The following ANKRD24 variants were observed in gnomAD, a reference collection of about 807,000 sequenced individuals.
The protein encoded by ANKRD24 is ankyrin repeat domain 24.
In ANKRD24, 109 loss-of-function variants were observed where a neutral mutation model predicts 127.8. The observed-to-expected ratio is 0.85, with a 90% CI of 0.73 to 1.00. ANKRD24 has a LOEUF of 1.00. Among genes scored for constraint, ANKRD24 ranks in the 50% least tolerant of loss-of-function variants. The probability of loss-of-function intolerance (pLI) is 0.00; values close to 1 mark genes in which losing one functional copy is unlikely to be tolerated. For missense variants in ANKRD24, 1,648 were observed against 1,570.2 expected (o/e 1.05, Z -0.84); for synonymous variants, 743 against 671.1 (o/e 1.11, Z -1.66).
intron 1 of ANKRD24, among the ~76,000 whole-genome samples, chr19:4,184,161 C>T (rs1168677937): frequency 6.6e-6 from 1 of 152,218 alleles, no homozygotes; most frequent in Admixed American, 6.5e-5. Context: ...CGGCTCATCC[C>T]CGGCCCCCTG....
chr19:4,219,597 C>G lies in ANKRD24; in HGVS notation c.3010C>G (p.Arg1004Gly). 2 of 1,609,028 alleles carry G rather than the reference C, an allele frequency of 1.2e-6. No individual in the cohort carries two copies. Among genetic ancestry groups the G allele is most frequent in the Non-Finnish European group, 8.5e-7 (1 of 1,176,440 alleles). Residue 1004 changes from arginine (R) to glycine (G), a missense_variant, in exon 19 of 22, where the codon CGT becomes GGT. Coordinates refer to ENST00000318934, the MANE Select transcript of ANKRD24 (RefSeq NM_001393985.1). ...GCGTGGGCTTGGGCCACAGGTGCAGCGTGAGGCCCTGTTCATGAAGAGTGA... is the reference window on the plus strand; with the variant it reads ...GCGTGGGCTTGGGCCACAGGTGCAGGGTGAGGCCCTGTTCATGAAGAGTGA... ...KTSAEVFQVQREALFMKSERH... is the reference protein window; with the variant it reads ...KTSAEVFQVQGEALFMKSERH...
Position 4,199,975 on chromosome 19 carries a change from C to A in ANKRD24, c.224C>A (p.Pro75His). 1 of 1,564,756 alleles carries A rather than the reference C, an allele frequency of 6.4e-7. No individual in the cohort carries two copies. Among genetic ancestry groups the A allele is most frequent in the Non-Finnish European group, 8.7e-7 (1 of 1,154,778 alleles). Reference protein sequence around the residue: ...AALIARKGLVPTKLDPEGKSA... With the variant: ...AALIARKGLVHTKLDPEGKSA... ...CTCATCGCCCGCAAGGGGCTGGTGCCCACGAAGCTAGACCCCGAGGGCAAG... is the reference window on the plus strand; with the variant it reads ...CTCATCGCCCGCAAGGGGCTGGTGCACACGAAGCTAGACCCCGAGGGCAAG... The change falls in exon 4 of 22, where the codon CCC becomes CAC. Residue 75 changes from proline (P) to histidine (H), a missense_variant. Pro to His is a moderately conservative substitution (Grantham distance 77, BLOSUM62 -2). Transcript: ENST00000318934. The surrounding 1 kb of genome is among the most constrained non-coding windows in gnomAD (Gnocchi z 5.2).
At chr19:4,215,286 GACCAGCCTGGCCAACGTGGTGAA>G (rs1298898741) in intron 15 of ANKRD24, among the ~76,000 whole-genome samples, 1 of 152,222 alleles carries the variant, frequency 6.6e-6, no homozygotes, top group Non-Finnish European at 1.5e-5. Context: ...AGGAGTCCGA[GACCAGCCTGGCCAACGTGGTGAA>G]ACCACGTGTC....
intron 18 of ANKRD24, 50 bp from the exon 19 acceptor site, chr19:4,219,541 A>G (rs1225757842): frequency 5.8e-6 from 9 of 1,548,324 alleles, no homozygotes; most frequent in African/African-American, 1.4e-5. Flanking sequence ...GGGGTCTAGC[A>G]TCATTGGAGT....
intron 15 of ANKRD24, among the ~76,000 whole-genome samples, chr19:4,213,127 T>TGCA (rs2145363731): frequency 6.6e-6 from 1 of 152,046 alleles, no homozygotes; most frequent in African/African-American, 2.4e-5. Flanking sequence ...CGAGACTCAG[T>TGCA]CTCAAACAAA....
At chr19:4,213,396 T>C (rs1969876223) in intron 15 of ANKRD24, among the ~76,000 whole-genome samples, 1 of 125,878 alleles carries the variant, frequency 7.9e-6, no homozygotes, top group Non-Finnish European at 1.8e-5. Context: ...TTCCCTTCCT[T>C]CTTTCTTCCT....
intron 2 of ANKRD24, among the ~76,000 whole-genome samples, chr19:4,193,868 G>GAAGGAAGT (rs1968543709): frequency 1.4e-5 from 2 of 144,350 alleles, no homozygotes; most frequent in African/African-American, 5.1e-5. Context: ...AGGAAGGAAG[G>GAAGGAAGT]AAGGAAGGAA....
At position 4,212,658 on chromosome 19, in the gene ANKRD24, G is replaced by A. The variant is rs1460595900; in HGVS notation, c.1157G>A (p.Arg386Gln). 7.7e-6 allele frequency: 12 copies of A among 1,551,136 alleles called. No homozygotes were observed. The highest frequency in any genetic ancestry group is 7.3e-5 in the East Asian group (3 of 40,938). Residue 386 changes from arginine (R) to glutamine (Q), a missense_variant, in exon 15 of 22, where the codon CGG (arginine) becomes CAG (glutamine). Coordinates refer to ENST00000318934, the MANE Select transcript of ANKRD24 (RefSeq NM_001393985.1). ...ERQEEKESLG[R>Q]EVESLQSRLS... Reference sequence around the variant, plus strand: ...CAAGAGGAGAAGGAGAGCCTGGGACGGGAGGTGGAGAGTTTGCAGAGCCGG... The same window carrying A: ...CAAGAGGAGAAGGAGAGCCTGGGACAGGAGGTGGAGAGTTTGCAGAGCCGG...
intron 7 of ANKRD24, among the ~76,000 whole-genome samples, chr19:4,203,365 G>A (rs1969203458): frequency 6.6e-6 from 1 of 151,384 alleles, no homozygotes; most frequent in Non-Finnish European, 1.5e-5. Context: ...TTCTTTTTAT[G>A]AGATAGGGTC....
At chr19:4,190,474 C>A (rs1968324386) in intron 2 of ANKRD24, among the ~76,000 whole-genome samples, 1 of 151,448 alleles carries the variant, frequency 6.6e-6, no homozygotes, top group South Asian at 2.1e-4. Context: ...TCTGTAATCC[C>A]AGCACTTTGA....
chr19:4,223,526 G>C (rs760483968), intron 20 of ANKRD24, among the ~76,000 whole-genome samples: 1 of 150,082 alleles, frequency 6.7e-6, no homozygotes, highest in African/African-American at 2.5e-5. Flanking sequence ...TCCTGCCTCA[G>C]CTTCCTGACT....
At chr19:4,190,263 G>A (rs555566981) in intron 2 of ANKRD24, among the ~76,000 whole-genome samples, 5 of 151,594 alleles carry the variant, frequency 3.3e-5, no homozygotes, top group South Asian at 2.1e-4. Flanking sequence ...GTGAAACCCC[G>A]TCTCTACTAA....
rs1339714872 is a variant in ANKRD24 at position 4,209,089 on chromosome 19, C to T, written c.870+288C>T. On this transcript the variant is annotated intron_variant, in intron 11 of 21. Coordinates refer to ENST00000318934, the MANE Select transcript of ANKRD24 (RefSeq NM_001393985.1). The stretch of plus-strand genomic sequence containing the variant: ...TCTTCGGGGAAGGAAGCAGATCTGG[C>T]CTCTTCCCCTCTTTCAGTTTTTTTG... 16 of 320,480 alleles carry T rather than the reference C, an allele frequency of 5.0e-5. No individual in the cohort carries two copies. In the Admixed American group the frequency reaches 6.9e-4, roughly 14 times the overall value. The allele number at this position is 320,480 out of a possible 1,614,324, so 19.9% of individuals were successfully genotyped here.
Position 4,212,518 on chromosome 19 carries a change from G to T in ANKRD24, c.1098+5G>T. On this transcript the variant is annotated splice_donor_5th_base_variant and intron_variant, in intron 14 of 21. Transcript: ENST00000318934. ...CTGCACATCCTGGAGAGACAGGTAG[G>T]TGGGAAGGTGGGGAGGAGCCGGTCC... 6.4e-7 allele frequency: 1 copy of T among 1,557,980 alleles called. No homozygotes were observed. Among genetic ancestry groups the T allele is most frequent in the Non-Finnish European group, 8.7e-7 (1 of 1,152,394 alleles).
chr19:4,217,460 G>C lies in ANKRD24; in HGVS notation c.2300G>C (p.Arg767Pro), dbSNP rs932852974. 4.0e-6 allele frequency: 6 copies of C among 1,496,342 alleles called. No individual in the cohort carries two copies. The highest frequency in any genetic ancestry group is 2.3e-4 in the Middle Eastern group (1 of 4,430). The allele number at this position is 1,496,342 out of a possible 1,614,324, so 92.7% of individuals were successfully genotyped here. ...GCCGAGGCAGGCCGGCTGCGAGAGC[G>C]TGTCCGCGAGGCCGAGGGCAGCGGG... ...AEAEAGRLRERVREAEGSGAS... is the reference protein window; with the variant it reads ...AEAEAGRLREPVREAEGSGAS... Residue 767 changes from arginine to proline, a missense_variant, in exon 18 of 22, where the codon CGT becomes CCT. Physicochemically the swap from Arg to Pro is moderately radical, Grantham distance 103 (BLOSUM62 -2). Coordinates refer to ENST00000318934, the MANE Select transcript of ANKRD24 (RefSeq NM_001393985.1).
intron 18 of ANKRD24, 147 bp downstream of exon 18, chr19:4,218,310 T>G (rs2046481322): frequency 1.4e-6 from 1 of 695,210 alleles, no homozygotes. Context: ...TTTATTTATT[T>G]ATTTTTGAGA....
intron 5 of ANKRD24, among the ~76,000 whole-genome samples, chr19:4,201,022 G>A (rs1425141096): frequency 6.6e-6 from 1 of 152,126 alleles, no homozygotes; most frequent in Non-Finnish European, 1.5e-5. Context: ...AAAGTATCTG[G>A]GGCAAGAGAA....
At chr19:4,200,578 G>A (rs1969044624) in intron 5 of ANKRD24, among the ~76,000 whole-genome samples, 1 of 152,178 alleles carries the variant, frequency 6.6e-6, no homozygotes, top group East Asian at 1.9e-4. Context: ...GAGTGCAGTG[G>A]CCATGATCTC....
rs1970149690 is a variant in ANKRD24 at position 4,217,216 on chromosome 19, G to A, written c.2056G>A (p.Gly686Arg). ...TAGGGCCACAGGGATGGAATCCACA[G>A]GAGTCAGTGCCACAGGTGTGGAGAA... ...GSRATGMESTGVSATGVENPG... is the reference protein window; with the variant it reads ...GSRATGMESTRVSATGVENPG... Residue 686 changes from glycine (G) to arginine (R), a missense_variant, in exon 18 of 22, where the codon GGA becomes AGA. Transcript: ENST00000318934. The A allele has an allele frequency of 6.2e-7, 1 of 1,603,742 alleles. No homozygotes were observed. The highest frequency in any genetic ancestry group is 1.3e-5 in the African/African-American group (1 of 74,714).
Sources: allele counts gnomAD v4.1 joint callset (sites outside exome capture counted in the v4.1 genomes callset), GRCh38; gene constraint gnomAD v4.1.1; non-coding constraint Gnocchi (gnomAD v3.1); transcripts MANE v1.5; gene names NCBI Gene and HGNC (gene_info 2026-07-23, HGNC 2026-07-21).